Variants in MPDZ observed in about 807,000 individuals in gnomAD.
MPDZ encodes the protein multiple PDZ domain protein.
MPDZ carries 234 observed loss-of-function variants against 239.1 expected under a neutral mutation model. The ratio of observed to expected loss-of-function variants is 0.98; its 90% confidence interval spans 0.88 to 1.09. The LOEUF (loss-of-function observed/expected upper bound fraction) is 1.09. MPDZ is among the 50% of genes least tolerant of loss of function. MPDZ has a pLI of 0.00. For synonymous variants in MPDZ, 1,048 were observed against 881.3 expected (o/e 1.19, Z -3.35); for missense variants, 3,175 against 2,510.0 (o/e 1.26, Z -5.66).
Position 13,218,391 on chromosome 9 carries a change from T to C in MPDZ, c.1087-1097A>G, listed in dbSNP as rs565137318. Among the ~76,000 whole-genome samples the C allele has an allele frequency of 2.0e-5, 3 of 152,010 alleles. No individual in the cohort carries two copies. In the East Asian group the frequency reaches 5.8e-4, roughly 30 times the overall value. On this transcript the variant is annotated intron_variant, in intron 8 of 46. Coordinates refer to ENST00000319217, the MANE Select transcript of MPDZ (RefSeq NM_001378778.1). ...AAAGGGGCACAAGCTTCAGAAATGA[T>C]GATATGCACAGAACAGATATTTTTC...
At chr9:13,144,011 A>C (rs1299123445) in intron 26 of MPDZ, among the ~76,000 whole-genome samples, 1 of 152,092 alleles carries the variant, frequency 6.6e-6, no homozygotes, top group African/African-American at 2.4e-5. Context: ...TTGGTCTGCT[A>C]GTTCACTGGC....
intron 22 of MPDZ, among the ~76,000 whole-genome samples, chr9:13,164,492 C>T (rs901116830): frequency 6.6e-6 from 1 of 151,734 alleles, no homozygotes; most frequent in African/African-American, 2.4e-5. Flanking sequence ...ATAAATAAAA[C>T]GTAAGTTTAA....
intron 27 of MPDZ, among the ~76,000 whole-genome samples, chr9:13,140,485 C>G (rs1409324857): frequency 6.8e-6 from 1 of 146,306 alleles, no homozygotes; most frequent in African/African-American, 2.5e-5. Context: ...ATTCTTATTT[C>G]CATATATATC....
At chr9:13,197,481 T>C (rs10125695) in intron 12 of MPDZ, among the ~76,000 whole-genome samples, 21,461 of 152,042 alleles carry the variant, frequency 0.14, 2,038 homozygotes, top group East Asian at 0.49. Flanking sequence ...AAATATTTTA[T>C]TGATACATAA....
chr9:13,152,489 C>T (rs1244868946), intron 24 of MPDZ, among the ~76,000 whole-genome samples: 1 of 152,076 alleles, frequency 6.6e-6, no homozygotes, highest in Admixed American at 6.6e-5. Context: ...TACAAGCTCT[C>T]TTCTCTTGTC....
At chr9:13,223,891 AAGTGTGGTGGCACACATCTAT>A (rs1252031576) in intron 4 of MPDZ, among the ~76,000 whole-genome samples, 181 bp from the exon 5 acceptor site, 2 of 151,900 alleles carry the variant, frequency 1.3e-5, no homozygotes, top group Non-Finnish European at 2.9e-5. Context: ...AAAACTTAGT[AAGTGTGGTGGCACACATCTAT>A]AGTCCCAGAT....
intron 26 of MPDZ, among the ~76,000 whole-genome samples, chr9:13,146,749 A>AT (rs61410145): frequency 1.3e-4 from 19 of 150,598 alleles, no homozygotes; most frequent in African/African-American, 3.2e-4. Context: ...CTGCATGTGA[A>AT]TTTTTTTTTT....
Position 13,115,357 on chromosome 9 carries a change from T to C in MPDZ, c.5380-23A>G, listed in dbSNP as rs78137164. The stretch of plus-strand genomic sequence containing the variant: ...ACACTGGGGGTGGGCATGGGGGGTG[T>C]TTTATGGAAATGTTTAAATAAAATG... On this transcript the variant is annotated intron_variant, in intron 39 of 46. Coordinates refer to ENST00000319217, the MANE Select transcript of MPDZ (RefSeq NM_001378778.1). 8,711 of 1,571,482 alleles carry C rather than the reference T, an allele frequency of 5.5e-3. 415 individuals carry two copies. The African/African-American group carries it at 0.098, about 18-fold the overall frequency.
chr9:13,107,633 T>TG (rs983509147), intron 46 of MPDZ, among the ~76,000 whole-genome samples: 21 of 152,302 alleles, frequency 1.4e-4, no homozygotes, highest in Admixed American at 1.4e-3. Context: ...TAAAACCCAC[T>TG]GCTATTTCTT....
chr9:13,128,645 T>TCCCCATTC (rs1945464434), intron 32 of MPDZ, among the ~76,000 whole-genome samples: 1 of 152,102 alleles, frequency 6.6e-6, no homozygotes, highest in Non-Finnish European at 1.5e-5. Context: ...AAGAATGGGG[T>TCCCCATTC]TTGAACAACT....
chr9:13,177,906 C>G (rs1952719993), intron 19 of MPDZ, among the ~76,000 whole-genome samples: 1 of 152,136 alleles, frequency 6.6e-6, no homozygotes, highest in Admixed American at 6.5e-5. Flanking sequence ...TCTTTGTCCA[C>G]ATGTGTGAAG....
chr9:13,130,416 C>T (rs995540051), intron 32 of MPDZ, among the ~76,000 whole-genome samples: 8 of 150,736 alleles, frequency 5.3e-5, no homozygotes, highest in East Asian at 4.0e-4. Context: ...TATGCATGTA[C>T]GGCACATAAC....
chr9:13,189,170 G>C (rs1954558946), intron 16 of MPDZ, among the ~76,000 whole-genome samples, 177 bp from the exon 17 acceptor site: 1 of 152,082 alleles, frequency 6.6e-6, no homozygotes, highest in African/African-American at 2.4e-5. Flanking sequence ...CTCCATTTTA[G>C]AGGGTTTAGG....
chr9:13,232,488 A>T (rs906660460), intron 3 of MPDZ, among the ~76,000 whole-genome samples: 1 of 152,070 alleles, frequency 6.6e-6, no homozygotes, highest in Non-Finnish European at 1.5e-5. Context: ...AATTATTTAT[A>T]AACATACACA....
chr9:13,198,686 T>C (rs2135382059), intron 12 of MPDZ, among the ~76,000 whole-genome samples: 1 of 151,312 alleles, frequency 6.6e-6, no homozygotes, highest in East Asian at 1.9e-4. Context: ...TCCTGAAGCA[T>C]TTTCCTAACG....
chr9:13,118,090 C>A (rs1201648370), intron 39 of MPDZ, among the ~76,000 whole-genome samples: 1 of 151,984 alleles, frequency 6.6e-6, no homozygotes, highest in African/African-American at 2.4e-5. Flanking sequence ...GTGATCCACC[C>A]GCCTCAGCCT....
intron 3 of MPDZ, among the ~76,000 whole-genome samples, chr9:13,227,365 T>G (rs1587951554): frequency 6.6e-6 from 1 of 152,070 alleles, no homozygotes; most frequent in African/African-American, 2.4e-5. Flanking sequence ...AAGCTTCTTA[T>G]GCCAAGATTG....
chr9:13,223,711 C>T lies in MPDZ; in HGVS notation c.394-1G>A. On this transcript the variant is annotated splice_acceptor_variant, in intron 4 of 46. Transcript: ENST00000319217. LOFTEE classifies it high-confidence loss of function. ...GCTCAAAAACTTCTACATGGCGACC[C>T]TGTTTAGGAAACAAAGCAAGAAATA... 6.3e-7 allele frequency: 1 copy of T among 1,593,536 alleles called. No homozygotes were observed. The highest frequency in any genetic ancestry group is 8.6e-7 in the Non-Finnish European group (1 of 1,169,518).
chr9:13,194,022 C>T (rs994827291), intron 13 of MPDZ, among the ~76,000 whole-genome samples: 5 of 152,136 alleles, frequency 3.3e-5, no homozygotes, highest in Non-Finnish European at 7.4e-5. Flanking sequence ...AAATCTAATA[C>T]TGGATGAAAT....
Sources: allele counts gnomAD v4.1 joint callset (sites outside exome capture counted in the v4.1 genomes callset), GRCh38; gene constraint gnomAD v4.1.1; transcripts MANE v1.5; gene names NCBI Gene and HGNC (gene_info 2026-07-23, HGNC 2026-07-21).